The following PPP1R9A variants were observed in gnomAD, a reference collection of about 807,000 sequenced individuals.
The protein encoded by PPP1R9A is protein phosphatase 1 regulatory subunit 9A.
A neutral mutation model predicts 141.9 loss-of-function variants in PPP1R9A; 59 were observed. That is an observed-to-expected ratio of 0.42 (90% CI 0.34 to 0.52). PPP1R9A has a LOEUF of 0.52. PPP1R9A is among the 20% of genes least tolerant of loss of function. The probability of loss-of-function intolerance (pLI) is 0.10; values close to 1 mark genes in which losing one functional copy is unlikely to be tolerated. For synonymous variants in PPP1R9A, 500 were observed against 569.7 expected, an observed-to-expected ratio of 0.88 and a Z score of 1.74; for missense variants, 1,444 against 1,611.9, an observed-to-expected ratio of 0.90 and a Z score of 1.78.
chr7:95,273,575 G>A (rs1368486340), intron 14 of PPP1R9A, among the ~76,000 whole-genome samples: 1 of 152,222 alleles, frequency 6.6e-6, no homozygotes, highest in Non-Finnish European at 1.5e-5. Flanking sequence ...TGGAGCCAGA[G>A]AAGGAACAAA....
At chr7:95,168,369 C>T (rs1221105393) in intron 5 of PPP1R9A, among the ~76,000 whole-genome samples, 1 of 151,624 alleles carries the variant, frequency 6.6e-6, no homozygotes, top group Non-Finnish European at 1.5e-5. Flanking sequence ...GACCCTTATC[C>T]CTCACTATAT....
rs1359712114 is a variant in PPP1R9A at position 95,284,043 on chromosome 7, TGGACACCCAA to T, written c.3324_3333del (p.Trp1108CysfsTer47). Reference sequence around the variant, plus strand: ...GATCTTCAGAGGCAGACTGGAAAACTGGACACCCAAGCCATGTTCAACAGCTCAGACCTCC... The same window carrying T: ...GATCTTCAGAGGCAGACTGGAAAACTGCCATGTTCAACAGCTCAGACCTCC... On this transcript the variant is annotated frameshift_variant, in exon 17 of 20. Transcript: ENST00000433360. LOFTEE classifies it high-confidence loss of function. 6.3e-7 allele frequency: 1 copy of T among 1,596,518 alleles called. No individual in the cohort carries two copies. The highest frequency in any genetic ancestry group is 1.1e-5 in the South Asian group (1 of 90,630).
At chr7:95,007,280 G>T (rs1803753472) in intron 2 of PPP1R9A, among the ~76,000 whole-genome samples, 1 of 152,166 alleles carries the variant, frequency 6.6e-6, no homozygotes, top group African/African-American at 2.4e-5. Context: ...ATTTAACCCA[G>T]ATAATTCTTT....
chr7:95,251,401 C>T (rs1798855380), intron 10 of PPP1R9A, among the ~76,000 whole-genome samples: 1 of 152,102 alleles, frequency 6.6e-6, no homozygotes, highest in Admixed American at 6.5e-5. Flanking sequence ...GTTTACTATA[C>T]TATGCTTATG....
intron 2 of PPP1R9A, among the ~76,000 whole-genome samples, chr7:95,000,683 ACTT>A (rs772610338): frequency 1.3e-4 from 20 of 152,032 alleles, no homozygotes; most frequent in Admixed American, 4.6e-4. Context: ...TTCTCCCTCA[ACTT>A]CTTTGTAAGG....
chr7:95,022,065 A>T (rs1233997912), intron 2 of PPP1R9A, among the ~76,000 whole-genome samples: 2 of 152,172 alleles, frequency 1.3e-5, no homozygotes, highest in Non-Finnish European at 2.9e-5. Context: ...TTTGGGCAGT[A>T]TGGCCATTTT....
rs1408323297 is a variant in PPP1R9A at position 95,294,111 on chromosome 7, A to AT, written c.*3808_*3809insT. On this transcript the variant is annotated 3_prime_UTR_variant, in exon 20 of 20. Coordinates refer to ENST00000433360, the MANE Select transcript of PPP1R9A (RefSeq NM_001166160.2). ...GGTTCACGTCACCTACTTAATGCAA[A>AT]GACCTTAGTGGTCTCAGAATGAAAA... 4 of 152,308 alleles carry AT rather than the reference A, an allele frequency of 2.6e-5. No homozygotes were observed. Among genetic ancestry groups the AT allele is most frequent in the Non-Finnish European group, 5.9e-5 (4 of 68,032 alleles). 9.4% of individuals were successfully genotyped at this position (152,308 alleles called of 1,614,324 possible). A position where few individuals can be genotyped will look rare whatever the true frequency, so the allele number is the denominator to read the frequency against.
chr7:95,272,952 T>C (rs1221513196), intron 14 of PPP1R9A, among the ~76,000 whole-genome samples: 1 of 152,188 alleles, frequency 6.6e-6, no homozygotes, highest in East Asian at 1.9e-4. Context: ...AAACAGCATT[T>C]GTTAATCATC....
At chr7:94,973,840 C>T (rs752789553) in intron 2 of PPP1R9A, among the ~76,000 whole-genome samples, 2 of 151,578 alleles carry the variant, frequency 1.3e-5, no homozygotes, top group African/African-American at 2.4e-5. Flanking sequence ...ATCTCAGCCT[C>T]CCAAGTAGCT....
chr7:95,141,908 G>T (rs749753729), intron 4 of PPP1R9A, among the ~76,000 whole-genome samples: 1 of 151,948 alleles, frequency 6.6e-6, no homozygotes, highest in Non-Finnish European at 1.5e-5. Context: ...GAGTTTCTGG[G>T]TCATATAATA....
rs921047206 is a variant in PPP1R9A at position 95,120,972 on chromosome 7, C to A, written c.1649+140C>A. On this transcript the variant is annotated intron_variant, in intron 4 of 19. Coordinates refer to ENST00000433360, the MANE Select transcript of PPP1R9A (RefSeq NM_001166160.2). ...TTTCTCAGATGTGAAAATCTTTAAACACTTGAATTATTTTCTGATATGCAG... is the reference window on the plus strand; with the variant it reads ...TTTCTCAGATGTGAAAATCTTTAAAAACTTGAATTATTTTCTGATATGCAG... 8.0e-6 allele frequency: 9 copies of A among 1,130,974 alleles called. No individual in the cohort carries two copies. In the African/African-American group the frequency reaches 1.4e-4, roughly 18 times the overall value. 70.1% of individuals were successfully genotyped at this position (1,130,974 alleles called of 1,614,324 possible).
intron 7 of PPP1R9A, among the ~76,000 whole-genome samples, chr7:95,217,841 T>C (rs1314336644): frequency 1.4e-5 from 2 of 140,984 alleles, no homozygotes; most frequent in African/African-American, 5.0e-5. Flanking sequence ...TCTAATTGCA[T>C]CTATTTGATT....
intron 2 of PPP1R9A, among the ~76,000 whole-genome samples, chr7:95,105,143 T>G (rs1461517818): frequency 1.3e-5 from 2 of 152,216 alleles, no homozygotes; most frequent in African/African-American, 4.8e-5. Context: ...CTGAATTTAT[T>G]TAGACCTGCA....
rs554784921 is a variant in PPP1R9A, at chr7:94,915,943, G to A, written c.1395+4435G>A. The stretch of plus-strand genomic sequence containing the variant: ...GGTGTCTTCAGTAGATGACTGATAT[G>A]GAAGTAATGTAGCTATCAGTCCAGG... On this transcript the variant is annotated intron_variant, in intron 2 of 19. Coordinates refer to ENST00000433360, the MANE Select transcript of PPP1R9A (RefSeq NM_001166160.2). Among the ~76,000 whole-genome samples the A allele has an allele frequency of 1.8e-4, 27 of 152,306 alleles. 1 individual carries two copies. Among genetic ancestry groups the A allele is most frequent in the Admixed American group, 6.5e-4 (10 of 15,294 alleles).
At chr7:95,081,474 T>G (rs995435734) in intron 2 of PPP1R9A, among the ~76,000 whole-genome samples, 1 of 152,044 alleles carries the variant, frequency 6.6e-6, no homozygotes, top group Non-Finnish European at 1.5e-5. Context: ...AGCACTATAA[T>G]GAAAAATGAG....
At chr7:95,180,871 T>G (rs1201701641) in intron 5 of PPP1R9A, among the ~76,000 whole-genome samples, 4 of 151,898 alleles carry the variant, frequency 2.6e-5, no homozygotes, top group African/African-American at 9.7e-5. Flanking sequence ...ATAAAAAAAC[T>G]GATGTTGACT....
chr7:95,091,503 C>T (rs1817340953), intron 2 of PPP1R9A, among the ~76,000 whole-genome samples: 3 of 151,470 alleles, frequency 2.0e-5, no homozygotes, highest in Admixed American at 2.0e-4. Flanking sequence ...GACACCACGC[C>T]CAGCTAATTT....
intron 8 of PPP1R9A, among the ~76,000 whole-genome samples, chr7:95,241,891 C>T (rs1212014202): frequency 1.3e-5 from 2 of 152,088 alleles, no homozygotes; most frequent in Non-Finnish European, 2.9e-5. Context: ...GCTGTAATTA[C>T]AGGCCATCAA....
chr7:94,964,376 CATGTGCAGA>C (rs1204604540), intron 2 of PPP1R9A, among the ~76,000 whole-genome samples: 1 of 152,038 alleles, frequency 6.6e-6, no homozygotes, highest in Non-Finnish European at 1.5e-5. Flanking sequence ...TTCTGGGATA[CATGTGCAGA>C]ATGTGCAGTT....
Sources: gnomAD v4.1 joint callset for allele counts (sites outside exome capture counted in the v4.1 genomes callset) on GRCh38, gnomAD v4.1.1 for gene constraint, MANE v1.5 for transcripts, NCBI Gene and HGNC (gene_info 2026-07-23, HGNC 2026-07-21) for gene names.